The following EPHA6 variants were observed in gnomAD, a reference collection of about 807,000 sequenced individuals.
The protein encoded by EPHA6 is EPH receptor A6.
A neutral mutation model predicts 112.0 loss-of-function variants in EPHA6; 50 were observed. The observed-to-expected ratio is 0.45, with a 90% confidence interval of 0.36 to 0.56. The LOEUF (loss-of-function observed/expected upper bound fraction) is 0.56, where lower values mean the gene tolerates loss of function less well. EPHA6 is among the 20% of genes least tolerant of loss of function. The pLI, the probability that EPHA6 is intolerant of heterozygous loss-of-function variation, is 0.00. For synonymous variants in EPHA6, 529 were observed against 490.7 expected (o/e 1.08, Z -1.03); for missense variants, 1,280 against 1,417.4 (o/e 0.90, Z 1.56).
intron 3 of EPHA6, among the ~76,000 whole-genome samples, chr3:97,081,525 A>G (rs139528175): frequency 6.6e-6 from 1 of 151,868 alleles, no homozygotes; most frequent in Non-Finnish European, 1.5e-5. Flanking sequence ...GATTATGTGT[A>G]TTTTTTCTTT....
chr3:96,907,306 G>C (rs1050053735), intron 2 of EPHA6, among the ~76,000 whole-genome samples: 1 of 151,364 alleles, frequency 6.6e-6, no homozygotes, highest in Non-Finnish European at 1.5e-5. Flanking sequence ...GCTGTTAAAG[G>C]TGTCATTTAT....
At chr3:97,001,787 G>A (rs1458170473) in intron 3 of EPHA6, among the ~76,000 whole-genome samples, 1 of 151,952 alleles carries the variant, frequency 6.6e-6, no homozygotes, top group Non-Finnish European at 1.5e-5. Flanking sequence ...AAAGAAGCAT[G>A]CTGTACCAAA....
chr3:97,705,098 A>T (rs62262838), intron 14 of EPHA6, among the ~76,000 whole-genome samples: 2,918 of 152,206 alleles, frequency 0.019, 43 homozygotes, highest in Middle Eastern at 0.044. Flanking sequence ...GTCCAAATGT[A>T]TTTAATGCCC....
At chr3:97,140,181 A>G (rs1165397838) in intron 3 of EPHA6, among the ~76,000 whole-genome samples, 2 of 152,068 alleles carry the variant, frequency 1.3e-5, no homozygotes, top group South Asian at 2.1e-4. Context: ...AAAAATAAAC[A>G]TGACCTTCAA....
At chr3:97,658,798 T>TA (rs752642684) in intron 14 of EPHA6, among the ~76,000 whole-genome samples, 3 of 151,858 alleles carry the variant, frequency 2.0e-5, no homozygotes, top group Non-Finnish European at 4.4e-5. Flanking sequence ...AAAAGCATGA[T>TA]AAAACAACAC....
chr3:96,965,533 C>G (rs1214374183), intron 2 of EPHA6, among the ~76,000 whole-genome samples: 7 of 152,032 alleles, frequency 4.6e-5, no homozygotes, highest in African/African-American at 1.4e-4. Flanking sequence ...TTGTTATTAT[C>G]CATTTGCAAG....
chr3:96,853,240 T>A (rs2035500896), intron 1 of EPHA6, among the ~76,000 whole-genome samples: 1 of 152,070 alleles, frequency 6.6e-6, no homozygotes. Context: ...AGATCTAGTA[T>A]CTAATAGAAC....
chr3:97,646,356 A>G (rs1402069000), intron 14 of EPHA6: 4 of 1,255,700 alleles, frequency 3.2e-6, no homozygotes, highest in Non-Finnish European at 4.2e-6. Flanking sequence ...CATGTAATAT[A>G]TAAGACAGTA....
chr3:97,691,278 C>A (rs2032648770), intron 14 of EPHA6, among the ~76,000 whole-genome samples: 1 of 152,178 alleles, frequency 6.6e-6, no homozygotes, highest in Non-Finnish European at 1.5e-5. Flanking sequence ...TTTAGACTCT[C>A]AATTCTATTC....
intron 3 of EPHA6, among the ~76,000 whole-genome samples, chr3:97,020,057 T>C (rs1470558900): frequency 6.6e-6 from 1 of 152,218 alleles, no homozygotes; most frequent in Admixed American, 6.5e-5. Context: ...GAGTCTAAGT[T>C]GTAGTATGCC....
intron 2 of EPHA6, among the ~76,000 whole-genome samples, chr3:96,957,056 C>T (rs1392096011): frequency 6.6e-6 from 1 of 150,828 alleles, no homozygotes; most frequent in Admixed American, 6.6e-5. Context: ...AAAATCTGAA[C>T]CACAGTGATG....
intron 2 of EPHA6, among the ~76,000 whole-genome samples, chr3:96,880,990 G>C (rs1369456127): frequency 6.6e-6 from 1 of 152,124 alleles, no homozygotes; most frequent in Non-Finnish European, 1.5e-5. Flanking sequence ...GAACATGTGT[G>C]TACATTATTT....
intron 5 of EPHA6, among the ~76,000 whole-genome samples, chr3:97,375,841 CTA>C (rs1559935357): frequency 6.6e-6 from 1 of 152,130 alleles, no homozygotes; most frequent in Non-Finnish European, 1.5e-5. Flanking sequence ...ACTACACACT[CTA>C]TGATTCATTT....
At chr3:97,567,445 C>T (rs1041573021) in intron 11 of EPHA6, among the ~76,000 whole-genome samples, 13 of 152,038 alleles carry the variant, frequency 8.6e-5, no homozygotes, top group Admixed American at 7.9e-4. Flanking sequence ...AAAGATTTAG[C>T]CTGAAAACAT....
intron 1 of EPHA6, among the ~76,000 whole-genome samples, chr3:96,848,555 A>G (rs2035210061): frequency 6.6e-6 from 1 of 151,914 alleles, no homozygotes; most frequent in Non-Finnish European, 1.5e-5. Context: ...AACCCAGGAG[A>G]TGGAGGTTAT....
chr3:97,262,856 A>T (rs1449068386), intron 5 of EPHA6, among the ~76,000 whole-genome samples: 1 of 152,070 alleles, frequency 6.6e-6, no homozygotes, highest in Non-Finnish European at 1.5e-5. Context: ...CCTACAATAA[A>T]ACTTGGCTCA....
At chr3:97,214,728 A>ATATACAAAGTTATTATTTTG (rs1344189808) in intron 3 of EPHA6, among the ~76,000 whole-genome samples, 2 of 152,154 alleles carry the variant, frequency 1.3e-5, no homozygotes, top group Non-Finnish European at 2.9e-5. Flanking sequence ...TCTTAACTGA[A>ATATACAAAGTTATTATTTTG]TATACAAGCT....
At chr3:97,267,632 G>T (rs935822858) in intron 5 of EPHA6, among the ~76,000 whole-genome samples, 1 of 151,898 alleles carries the variant, frequency 6.6e-6, no homozygotes, top group East Asian at 1.9e-4. Flanking sequence ...CTTTAGCCTG[G>T]GAAGTTTTGT....
At chr3:97,146,596 C>A (rs1227061527) in intron 3 of EPHA6, among the ~76,000 whole-genome samples, 1 of 151,926 alleles carries the variant, frequency 6.6e-6, no homozygotes, top group Non-Finnish European at 1.5e-5. Flanking sequence ...TATTAGGTAA[C>A]TCACACCAAT....
Sources: allele counts gnomAD v4.1 joint callset (sites outside exome capture counted in the v4.1 genomes callset), GRCh38; gene constraint gnomAD v4.1.1; transcripts MANE v1.5; gene names NCBI Gene and HGNC (gene_info 2026-07-23, HGNC 2026-07-21).